Variants in RAB11FIP5 observed in about 807,000 individuals in gnomAD.
RAB11FIP5 encodes the protein RAB11 family interacting protein 5.
Under a neutral mutation model 85.1 loss-of-function variants are expected in RAB11FIP5, and 48 were observed. That is an observed-to-expected ratio of 0.56 (90% CI 0.45 to 0.72). The LOEUF (loss-of-function observed/expected upper bound fraction) is 0.72. RAB11FIP5 is among the 30% of genes least tolerant of loss of function. The pLI, the probability that RAB11FIP5 is intolerant of heterozygous loss-of-function variation, is 0.00. For missense variants in RAB11FIP5, 1,491 were observed against 1,687.0 expected, an observed-to-expected ratio of 0.88 and a Z score of 2.04; for synonymous variants, 729 against 727.3, an observed-to-expected ratio of 1.00 and a Z score of -0.04.
chr2:73,090,424 T>A (rs1684186528), intron 1 of RAB11FIP5, among the ~76,000 whole-genome samples: 1 of 152,254 alleles, frequency 6.6e-6, no homozygotes, highest in Non-Finnish European at 1.5e-5. Flanking sequence ...TAAAGACTTA[T>A]GTCCAAAGAA....
Position 73,079,785 on chromosome 2 carries a change from G to T in RAB11FIP5, c.3447C>A (p.Gly1149=). 8.1e-7 allele frequency: 1 copy of T among 1,232,540 alleles called. No individual in the cohort carries two copies. Among genetic ancestry groups the T allele is most frequent in the East Asian group, 3.2e-5 (1 of 31,700 alleles). The allele number at this position is 1,232,540 out of a possible 1,614,324, so 76.4% of individuals were successfully genotyped here. ...CCCCAGGTGGGGAGGGCTCATGGGG[G>T]CCAGGGAGTAAGGCTGGCTCCCCTG... ...APPGEPALLP[G]PHEPSPPGGS... Residue 1149 remains glycine (G), a synonymous_variant, in exon 4 of 6, where the codon GGC becomes GGA. Transcript: ENST00000486777.
intron 1 of RAB11FIP5, among the ~76,000 whole-genome samples, chr2:73,098,138 C>T (rs777951111): frequency 2.6e-5 from 4 of 152,168 alleles, no homozygotes; most frequent in Admixed American, 6.5e-5. Context: ...GGCTGTGTGA[C>T]CTCATATCTA....
Position 73,088,461 on chromosome 2 carries a change from G to A in RAB11FIP5, c.1157C>T (p.Thr386Ile), listed in dbSNP as rs1684136673. Residue 386 changes from threonine (T) to isoleucine (I), a missense_variant, in exon 3 of 6, where the codon ACC becomes ATC. This residue lies in a region of RAB11FIP5 where 1,211 missense variants were observed against 1,338.0 expected (regional missense o/e 0.91). Transcript: ENST00000486777. ...GTTGCTACGACTGCCTCTGGGCCAG[G>A]TGTCATCTGTGGAACGAGGCCCCTC... ...SEEGPRSTDDTWPRGSRSNSS... is the reference protein window; with the variant it reads ...SEEGPRSTDDIWPRGSRSNSS... The A allele has an allele frequency of 6.2e-7, 1 of 1,613,990 alleles. No homozygotes were observed. The highest frequency in any genetic ancestry group is 1.1e-5 in the South Asian group (1 of 91,088).
At chr2:73,096,340 G>C (rs1050780118) in intron 1 of RAB11FIP5, among the ~76,000 whole-genome samples, 67 of 152,290 alleles carry the variant, frequency 4.4e-4, no homozygotes, top group Middle Eastern at 3.4e-3. Flanking sequence ...TGCACTCAGG[G>C]GAGAGCTGAC....
chr2:73,106,428 C>CA (rs1248778528), intron 1 of RAB11FIP5, among the ~76,000 whole-genome samples: 1 of 152,200 alleles, frequency 6.6e-6, no homozygotes, highest in East Asian at 1.9e-4. Flanking sequence ...GTCTAGGCCC[C>CA]AAAACACAGC....
In RAB11FIP5 at chr2:73,088,140, G is replaced by A. The variant is rs200150559; in HGVS notation, c.1478C>T (p.Ala493Val). Residue 493 changes from alanine (A) to valine (V), a missense_variant, in exon 3 of 6, where the codon GCC (alanine) becomes GTC (valine). This residue lies in a region of RAB11FIP5 where 1,211 missense variants were observed against 1,338.0 expected (regional missense o/e 0.91). Transcript: ENST00000486777. ...LGEKGGPILG[A>V]SPHHSSSGEE... ...CCCACTGGATGAGTGATGTGGGGAG[G>A]CCCCCAGGATGGGACCCCCCTTTTC... The A allele has an allele frequency of 5.2e-4, 833 of 1,614,080 alleles. 14 individuals carry two copies. The Admixed American group carries it at 0.014, about 26-fold the overall frequency.
At position 73,112,792 on chromosome 2, in the gene RAB11FIP5, G is replaced by A. The variant is rs1208938552; in HGVS notation, c.-15C>T. On this transcript the variant is annotated 5_prime_UTR_variant, in exon 1 of 6. Coordinates refer to ENST00000486777, the MANE Select transcript of RAB11FIP5 (RefSeq NM_001371272.1). ...ACCAGGGCCATGGCGGAGAAGCGGG[G>A]GGCGAGGTCTGGCCGAGCCGGTGCA... is the stretch of plus-strand genomic sequence containing the variant. 2 of 1,417,184 alleles carry A rather than the reference G, an allele frequency of 1.4e-6. No homozygotes were observed. Among genetic ancestry groups the A allele is most frequent in the South Asian group, 1.6e-5 (1 of 64,202 alleles). 87.8% of individuals were successfully genotyped at this position (1,417,184 alleles called of 1,614,324 possible).
Position 73,080,796 on chromosome 2 carries a change from G to C in RAB11FIP5, c.2436C>G (p.Asp812Glu). 1 of 1,232,468 alleles carries C rather than the reference G, an allele frequency of 8.1e-7. No homozygotes were observed. Among genetic ancestry groups the C allele is most frequent in the South Asian group, 4.1e-5 (1 of 24,330 alleles). 76.3% of individuals were successfully genotyped at this position (1,232,468 alleles called of 1,614,324 possible). The change falls in exon 4 of 6, where the codon GAC becomes GAG. Residue 812 changes from aspartate (D) to glutamate (E), a missense_variant. Coordinates refer to ENST00000486777, the MANE Select transcript of RAB11FIP5 (RefSeq NM_001371272.1). ...GATTTTCGCCTCGGGAGGACTCATC[G>C]TCCTGGCCCTCAGCAGCGCTCTCTG... ...PGPESAAEGQ[D>E]DESSRGENQL...
At chr2:73,094,964 A>G (rs1311091661) in intron 1 of RAB11FIP5, among the ~76,000 whole-genome samples, 2 of 151,752 alleles carry the variant, frequency 1.3e-5, no homozygotes, top group Admixed American at 1.3e-4. Flanking sequence ...CTCTCACCAA[A>G]CCAGGAGGAA....
intron 1 of RAB11FIP5, among the ~76,000 whole-genome samples, chr2:73,098,232 A>G (rs1684360569): frequency 6.6e-6 from 1 of 152,174 alleles, no homozygotes; most frequent in African/African-American, 2.4e-5. Flanking sequence ...ACCCAACCCA[A>G]AAATCTGAAA....
rs2106110593 is a variant in RAB11FIP5 at position 73,089,189 on chromosome 2, T to C, written c.558A>G (p.Pro186=). 6.2e-7 allele frequency: 1 copy of C among 1,614,196 alleles called. No homozygotes were observed. Among genetic ancestry groups the C allele is most frequent in the African/African-American group, 1.3e-5 (1 of 75,060 alleles). The change falls in exon 2 of 6, where the codon CCA becomes CCG. Residue 186 remains proline (P), a synonymous_variant. Transcript: ENST00000486777. This position sits in a 1 kb window ranked among gnomAD's most constrained non-coding sequence, Gnocchi z 4.6. ...SMFDLSMKDK[P]RSPFSKIRDK... is the part of the protein sequence containing the mutation. ...CCCTGATCTTGCTGAAGGGAGACCT[T>C]GGCTTGTCCTTCATGGACAGGTCAA...
At chr2:73,090,367 G>C (rs912841817) in intron 1 of RAB11FIP5, among the ~76,000 whole-genome samples, 1 of 152,174 alleles carries the variant, frequency 6.6e-6, no homozygotes, top group Non-Finnish European at 1.5e-5. Flanking sequence ...AGCAAACTCC[G>C]ATCACACAAG....
At chr2:73,109,197 C>A (rs1190514716) in intron 1 of RAB11FIP5, among the ~76,000 whole-genome samples, 1 of 152,166 alleles carries the variant, frequency 6.6e-6, no homozygotes. Flanking sequence ...ACTACCATTA[C>A]ATTTTGTTTT....
At chr2:73,098,123 G>C (rs558219576) in intron 1 of RAB11FIP5, among the ~76,000 whole-genome samples, 1 of 152,172 alleles carries the variant, frequency 6.6e-6, no homozygotes, top group Non-Finnish European at 1.5e-5. Context: ...AGCCCACCAC[G>C]TGCTGGCTGT....
At chr2:73,108,956 A>C (rs1420896686) in intron 1 of RAB11FIP5, among the ~76,000 whole-genome samples, 1 of 152,242 alleles carries the variant, frequency 6.6e-6, no homozygotes, top group Non-Finnish European at 1.5e-5. Context: ...AGGCAGGAGA[A>C]TCGCTTGAAC....
chr2:73,102,769 A>G (rs899781800), intron 1 of RAB11FIP5, among the ~76,000 whole-genome samples: 2 of 152,194 alleles, frequency 1.3e-5, no homozygotes, highest in Non-Finnish European at 2.9e-5. Flanking sequence ...AACAAGTTGG[A>G]AAAACAATGA....
chr2:73,091,578 G>A (rs946602043), intron 1 of RAB11FIP5, among the ~76,000 whole-genome samples: 10 of 152,206 alleles, frequency 6.6e-5, no homozygotes, highest in Non-Finnish European at 1.0e-4. Flanking sequence ...GACACAGAGT[G>A]GGGTGTGGGG....
chr2:73,089,139 T>A lies in RAB11FIP5; in HGVS notation c.608A>T (p.Tyr203Phe). The change falls in exon 2 of 6, where the codon TAT becomes TTT. Residue 203 changes from tyrosine to phenylalanine, a missense_variant. Coordinates refer to ENST00000486777, the MANE Select transcript of RAB11FIP5 (RefSeq NM_001371272.1). The surrounding 1 kb of genome is among the most constrained non-coding windows in gnomAD (Gnocchi z 4.6). ...IRDKMKGKKK[Y>F]DLESASAILP... ...GATGGCAGAGGCAGATTCCAGATCA[T>A]ACTTCTTCTTGCCCTTCATCTTGTC... The A allele has an allele frequency of 6.2e-7, 1 of 1,614,238 alleles. No homozygotes were observed. Among genetic ancestry groups the A allele is most frequent in the Non-Finnish European group, 8.5e-7 (1 of 1,180,032 alleles).
chr2:73,095,040 T>C (rs58659495), intron 1 of RAB11FIP5, among the ~76,000 whole-genome samples: 21,852 of 152,044 alleles, frequency 0.14, 1,903 homozygotes, highest in East Asian at 0.41. Flanking sequence ...CCGGGCTGCC[T>C]GCAGCACATA....
Sources: gnomAD v4.1 joint callset for allele counts (sites outside exome capture counted in the v4.1 genomes callset) on GRCh38, gnomAD v4.1.1 for gene constraint, gnomAD v4.1.1 regional missense constraint, Gnocchi (gnomAD v3.1) non-coding constraint, MANE v1.5 for transcripts, NCBI Gene and HGNC (gene_info 2026-07-23, HGNC 2026-07-21) for gene names.